CDH13: variants seen among roughly 807,000 people sequenced by gnomAD.
CDH13 encodes cadherin 13.
Under a neutral mutation model 63.8 loss-of-function variants are expected in CDH13, and 24 were observed. The ratio of observed to expected loss-of-function variants is 0.38; its 90% CI spans 0.27 to 0.53. The LOEUF is 0.53. Among genes scored for constraint, CDH13 ranks in the 20% least tolerant of loss-of-function variants. The pLI, the probability that CDH13 is intolerant of heterozygous loss-of-function variation, is 0.85. For missense variants in CDH13, 1,049 were observed against 903.1 expected, an observed-to-expected ratio of 1.16 and a Z score of -2.07; for synonymous variants, 503 against 355.3, an observed-to-expected ratio of 1.42 and a Z score of -4.67.
At chr16:83,221,717 C>T (rs2039706243) in intron 5 of CDH13, among the ~76,000 whole-genome samples, 1 of 151,892 alleles carries the variant, frequency 6.6e-6, no homozygotes, top group Admixed American at 6.6e-5. Context: ...GGAAGCATGG[C>T]CAAGACCATG....
chr16:83,566,687 C>G (rs1002965546), intron 7 of CDH13, among the ~76,000 whole-genome samples: 3 of 152,158 alleles, frequency 2.0e-5, no homozygotes, highest in Admixed American at 6.5e-5. Context: ...AGGCAAAGCC[C>G]TGCTCTCCAG....
At chr16:83,101,886 G>A (rs990545496) in intron 3 of CDH13, among the ~76,000 whole-genome samples, 1 of 152,144 alleles carries the variant, frequency 6.6e-6, no homozygotes, top group African/African-American at 2.4e-5. Flanking sequence ...GAACTGCTGT[G>A]GAAGACAGAA....
intron 7 of CDH13, among the ~76,000 whole-genome samples, chr16:83,551,782 C>T (rs2075504238): frequency 6.6e-6 from 1 of 152,182 alleles, no homozygotes; most frequent in African/African-American, 2.4e-5. Flanking sequence ...ATTTGTCTAC[C>T]CATCTCACCT....
intron 8 of CDH13, among the ~76,000 whole-genome samples, chr16:83,623,699 C>G (rs1175909767): frequency 1.3e-5 from 2 of 152,190 alleles, no homozygotes; most frequent in African/African-American, 4.8e-5. Flanking sequence ...TAACCACGCA[C>G]TGGCCTCTCA....
At chr16:83,489,146 G>A (rs1387310965) in intron 7 of CDH13, among the ~76,000 whole-genome samples, 2 of 152,146 alleles carry the variant, frequency 1.3e-5, no homozygotes. Context: ...TGTTCTGAGA[G>A]AAAATATTTT....
At chr16:82,761,017 C>CTTTCTTTTTTTTTTTTTT (rs2034820362) in intron 1 of CDH13, among the ~76,000 whole-genome samples, 1 of 40,488 alleles carries the variant, frequency 2.5e-5, no homozygotes, top group Non-Finnish European at 4.6e-5. Context: ...TTCTTTCTTT[C>CTTTCTTTTTTTTTTTTTT]TTTTTTTTTT....
At chr16:83,466,021 A>T (rs972440464) in intron 6 of CDH13, among the ~76,000 whole-genome samples, 4 of 152,038 alleles carry the variant, frequency 2.6e-5, no homozygotes, top group African/African-American at 9.7e-5. Context: ...GTGTCATTCA[A>T]CCTACACACA....
At chr16:83,347,321 G>A (rs889842875) in intron 6 of CDH13, among the ~76,000 whole-genome samples, 3 of 123,392 alleles carry the variant, frequency 2.4e-5, no homozygotes, top group African/African-American at 6.0e-5. Flanking sequence ...GAAATTATTC[G>A]ACACCCACTG....
At chr16:82,728,935 T>A (rs563734042) in intron 1 of CDH13, among the ~76,000 whole-genome samples, 1 of 152,312 alleles carries the variant, frequency 6.6e-6, no homozygotes, top group African/African-American at 2.4e-5. Context: ...TCACAGTATC[T>A]TCCCAAGGAA....
At chr16:83,787,063 A>G (rs762044314) in intron 13 of CDH13, among the ~76,000 whole-genome samples, 6 of 152,216 alleles carry the variant, frequency 3.9e-5, no homozygotes, top group African/African-American at 7.2e-5. Context: ...AAACTGACAC[A>G]TACACTCACT....
At chr16:83,217,825 G>T (rs2039586655) in intron 5 of CDH13, among the ~76,000 whole-genome samples, 2 of 152,110 alleles carry the variant, frequency 1.3e-5, no homozygotes, top group Admixed American at 1.3e-4. Flanking sequence ...ATCTAGAGCT[G>T]GAAGAGGTAT....
intron 7 of CDH13, among the ~76,000 whole-genome samples, chr16:83,517,970 A>C (rs1039496918): frequency 6.6e-6 from 1 of 152,092 alleles, no homozygotes; most frequent in Non-Finnish European, 1.5e-5. Context: ...TGAAGTGACT[A>C]ACCCCAGTGA....
chr16:83,313,623 C>G (rs2090044997), intron 5 of CDH13, among the ~76,000 whole-genome samples: 1 of 138,458 alleles, frequency 7.2e-6, no homozygotes, highest in Non-Finnish European at 1.5e-5. Flanking sequence ...ATAAATGACT[C>G]TCAAGAACCC....
intron 4 of CDH13, among the ~76,000 whole-genome samples, chr16:83,134,231 C>A (rs982249201): frequency 6.6e-6 from 1 of 152,046 alleles, no homozygotes; most frequent in African/African-American, 2.4e-5. Flanking sequence ...CTCGCTCTGT[C>A]GCCCGGGCTG....
chr16:83,313,930 A>C (rs2090052724), intron 5 of CDH13, among the ~76,000 whole-genome samples: 1 of 152,210 alleles, frequency 6.6e-6, no homozygotes, highest in Non-Finnish European at 1.5e-5. Context: ...ACTGTGGTGC[A>C]ATATGATGTT....
chr16:82,651,054 C>T (rs12149021), intron 1 of CDH13, among the ~76,000 whole-genome samples: 35,863 of 151,962 alleles, frequency 0.24, 4,366 homozygotes, highest in Middle Eastern at 0.28. Context: ...AGACTGCTTC[C>T]TTTTCTGGGA....
chr16:83,338,227 T>A (rs1259368715), intron 5 of CDH13, among the ~76,000 whole-genome samples: 1 of 150,634 alleles, frequency 6.6e-6, no homozygotes, highest in Non-Finnish European at 1.5e-5. Context: ...TAATGTACTC[T>A]GATATTGTTT....
rs1904275384 is a variant in CDH13, at chr16:83,565,612, G to A, written c.961-36842G>A. Among the ~76,000 whole-genome samples, 3 of 152,042 alleles carry A rather than the reference G, an allele frequency of 2.0e-5. No individual in the cohort carries two copies. The South Asian group carries it at 6.2e-4, about 32-fold the overall frequency. ...TGCGATCTTTATGTGGTGGGTGAAG[G>A]TGATGGATTTTCATCTCCTTCTTCA... On this transcript the variant is annotated intron_variant, in intron 7 of 13. Transcript: ENST00000567109.
intron 6 of CDH13, among the ~76,000 whole-genome samples, chr16:83,381,237 A>T (rs17212628): frequency 0.11 from 16,415 of 152,034 alleles, 1,158 homozygotes; most frequent in Non-Finnish European, 0.16. Context: ...CCTCCTTGCC[A>T]TCTGGAGTGA....
Sources: gnomAD v4.1 joint callset for allele counts (sites outside exome capture counted in the v4.1 genomes callset) on GRCh38, gnomAD v4.1.1 for gene constraint, MANE v1.5 for transcripts, NCBI Gene and HGNC (gene_info 2026-07-23, HGNC 2026-07-21) for gene names.